Variants in ENOX1 observed in about 807,000 individuals in gnomAD.
The protein encoded by ENOX1 is candidate growth-related and time keeping constitutive hydroquinone (NADH) oxidase.
ENOX1 carries 42 observed loss-of-function variants against 82.5 expected under a neutral mutation model. The ratio of observed to expected loss-of-function variants is 0.51; its 90% CI spans 0.40 to 0.66. The LOEUF is 0.66. Ranked by LOEUF, ENOX1 falls within the 30% of genes least tolerant of loss-of-function variation. The pLI, the probability that ENOX1 is intolerant of heterozygous loss-of-function variation, is 0.00. For synonymous variants in ENOX1, 271 were observed against 282.2 expected (o/e 0.96, Z 0.40); for missense variants, 608 against 811.6 (o/e 0.75, Z 3.05).
At chr13:43,759,373 C>A (rs992535388) in intron 1 of ENOX1, among the ~76,000 whole-genome samples, 1 of 152,180 alleles carries the variant, frequency 6.6e-6, no homozygotes, top group African/African-American at 2.4e-5. Context: ...TCTGGGATTA[C>A]AGATGTGAGC....
rs182991070 is a variant in ENOX1, at chr13:43,610,502, A to G, written c.-219+56977T>C. The stretch of plus-strand genomic sequence containing the variant: ...TGGAGTTGGGGAAAACTTATTTTCC[A>G]TTAAGAAAAGTATGTCTCTCTTTAT... On this transcript the variant is annotated intron_variant, in intron 2 of 16. Transcript: ENST00000690772. 1.0e-3 allele frequency among the ~76,000 whole-genome samples: 159 copies of G among 152,342 alleles called. 1 individual carries two copies. The Middle Eastern group carries it at 0.02, about 20-fold the overall frequency.
chr13:43,237,566 T>G (rs1373985332), intron 14 of ENOX1, among the ~76,000 whole-genome samples: 1 of 152,136 alleles, frequency 6.6e-6, no homozygotes, highest in Non-Finnish European at 1.5e-5. Flanking sequence ...AGGACTAGTA[T>G]ATGAGCAGTG....
At chr13:43,711,537 A>G (rs575719238) in intron 1 of ENOX1, among the ~76,000 whole-genome samples, 1 of 152,264 alleles carries the variant, frequency 6.6e-6, no homozygotes, top group South Asian at 2.1e-4. Flanking sequence ...AGTCCCACCA[A>G]CAGTGTGAAA....
intron 9 of ENOX1, among the ~76,000 whole-genome samples, chr13:43,329,815 G>A (rs1369550965): frequency 7.2e-5 from 11 of 152,026 alleles, no homozygotes; most frequent in Admixed American, 7.2e-4. Context: ...TATTCACACG[G>A]CCCAGTTTTA....
At chr13:43,415,652 C>T (rs182152730) in intron 3 of ENOX1, among the ~76,000 whole-genome samples, 2 of 152,196 alleles carry the variant, frequency 1.3e-5, no homozygotes, top group African/African-American at 4.8e-5. Context: ...ATTCTTTCTA[C>T]ACAGACATAG....
intron 1 of ENOX1, among the ~76,000 whole-genome samples, chr13:43,769,122 T>A (rs1252851562): frequency 6.6e-6 from 1 of 152,234 alleles, no homozygotes; most frequent in Admixed American, 6.5e-5. Context: ...AGTTGCTTAA[T>A]CTATGTTTTG....
At chr13:43,435,446 C>G (rs1029029889) in intron 3 of ENOX1, among the ~76,000 whole-genome samples, 1 of 152,164 alleles carries the variant, frequency 6.6e-6, no homozygotes, top group Non-Finnish European at 1.5e-5. Context: ...ACTAGGATAT[C>G]CTATTGGCTC....
chr13:43,459,731 C>T (rs1469057784), intron 3 of ENOX1, among the ~76,000 whole-genome samples: 1 of 152,146 alleles, frequency 6.6e-6, no homozygotes, highest in African/African-American at 2.4e-5. Context: ...CGGTGGCTCC[C>T]ACCTGTAATC....
chr13:43,482,138 G>A (rs905838362), intron 3 of ENOX1, among the ~76,000 whole-genome samples: 1 of 152,078 alleles, frequency 6.6e-6, no homozygotes, highest in Non-Finnish European at 1.5e-5. Context: ...TTTCACTTCT[G>A]GGTACATATC....
intron 2 of ENOX1, among the ~76,000 whole-genome samples, chr13:43,612,584 G>A (rs1418762824): frequency 6.6e-6 from 1 of 152,028 alleles, no homozygotes; most frequent in Non-Finnish European, 1.5e-5. Flanking sequence ...CAGACTTCAG[G>A]GCTCCTAGAA....
intron 2 of ENOX1, among the ~76,000 whole-genome samples, chr13:43,572,930 C>T (rs1483815319): frequency 6.6e-6 from 1 of 152,218 alleles, no homozygotes; most frequent in African/African-American, 2.4e-5. Context: ...ATCATCTCCT[C>T]ATACATATCA....
chr13:43,277,947 C>A (rs974317361), intron 12 of ENOX1, among the ~76,000 whole-genome samples: 2 of 152,130 alleles, frequency 1.3e-5, no homozygotes, highest in African/African-American at 4.8e-5. Context: ...AAGTCTGCAG[C>A]AAGTGGCGGG....
intron 1 of ENOX1, among the ~76,000 whole-genome samples, chr13:43,747,883 G>A (rs767856750): frequency 6.6e-6 from 1 of 152,160 alleles, no homozygotes; most frequent in Non-Finnish European, 1.5e-5. Context: ...CAGATCTTTT[G>A]TCACCAGTAT....
At chr13:43,573,185 G>T (rs773170279) in intron 2 of ENOX1, among the ~76,000 whole-genome samples, 1 of 152,118 alleles carries the variant, frequency 6.6e-6, no homozygotes, top group African/African-American at 2.4e-5. Flanking sequence ...AATGACTGCC[G>T]GTCTGCTAGT....
intron 15 of ENOX1, among the ~76,000 whole-genome samples, chr13:43,235,115 A>G (rs184196370): frequency 1.2e-4 from 18 of 152,334 alleles, no homozygotes; most frequent in African/African-American, 4.1e-4. Flanking sequence ...AGACTTGGAC[A>G]TGTTTTCCAA....
At chr13:43,550,394 T>C (rs2079144105) in intron 2 of ENOX1, among the ~76,000 whole-genome samples, 1 of 152,210 alleles carries the variant, frequency 6.6e-6, no homozygotes, top group Admixed American at 6.5e-5. Context: ...TCCTCCAGTG[T>C]CCATCAGCAG....
intron 1 of ENOX1, among the ~76,000 whole-genome samples, chr13:43,712,758 G>A (rs2087819628): frequency 6.6e-6 from 1 of 152,152 alleles, no homozygotes; most frequent in Non-Finnish European, 1.5e-5. Flanking sequence ...TTTGTACATT[G>A]ATTTTGTATC....
intron 2 of ENOX1, among the ~76,000 whole-genome samples, chr13:43,581,154 A>G (rs2080713704): frequency 6.5e-5 from 2 of 30,772 alleles, no homozygotes; most frequent in Admixed American, 3.9e-4. Context: ...TTTTTTTGAG[A>G]CGGAGTCTCA....
At chr13:43,356,690 C>G (rs1160332527) in intron 7 of ENOX1, among the ~76,000 whole-genome samples, 1 of 152,218 alleles carries the variant, frequency 6.6e-6, no homozygotes, top group African/African-American at 2.4e-5. Context: ...CCAGAAAATG[C>G]TGCTGCTCAA....
Sources: gnomAD v4.1 joint callset for allele counts (sites outside exome capture counted in the v4.1 genomes callset) on GRCh38, gnomAD v4.1.1 for gene constraint, MANE v1.5 for transcripts, NCBI Gene and HGNC (gene_info 2026-07-23, HGNC 2026-07-21) for gene names.